The following NEGR1 variants were observed in gnomAD, a reference collection of about 807,000 sequenced individuals.
The protein encoded by NEGR1 is neuronal growth regulator 1, also known as IgLON family member 4.
A neutral mutation model predicts 40.9 loss-of-function variants in NEGR1; 10 were observed. That is an observed-to-expected ratio of 0.24 (90% CI 0.15 to 0.42). The LOEUF (loss-of-function observed/expected upper bound fraction) is 0.42, where lower values mean the gene tolerates loss of function less well. Ranked by LOEUF, NEGR1 falls within the 10% of genes least tolerant of loss-of-function variation. The probability of loss-of-function intolerance (pLI) is 1.00; values close to 1 mark genes in which losing one functional copy is unlikely to be tolerated. For synonymous variants in NEGR1, 185 were observed against 166.8 expected (o/e 1.11, Z -0.84); for missense variants, 352 against 438.9 (o/e 0.80, Z 1.77).
chr1:72,148,909 G>C (rs896554317), intron 1 of NEGR1, among the ~76,000 whole-genome samples: 5 of 152,038 alleles, frequency 3.3e-5, no homozygotes, highest in African/African-American at 1.2e-4. Flanking sequence ...AAATTTTCCT[G>C]TCTTCTTCTG....
intron 2 of NEGR1, among the ~76,000 whole-genome samples, chr1:71,895,076 A>T (rs2101855423): frequency 6.6e-6 from 1 of 152,324 alleles, no homozygotes; most frequent in Middle Eastern, 3.4e-3. Context: ...CCTCAATAGG[A>T]CATTTTGGAA....
chr1:72,087,186 G>A (rs1166238881), intron 1 of NEGR1, among the ~76,000 whole-genome samples: 2 of 152,266 alleles, frequency 1.3e-5, no homozygotes, highest in East Asian at 3.9e-4. Flanking sequence ...TTGGGAGGCT[G>A]AGGTGGGGAA....
intron 1 of NEGR1, among the ~76,000 whole-genome samples, chr1:72,204,169 T>G (rs954318171): frequency 3.3e-5 from 5 of 152,066 alleles, no homozygotes; most frequent in Admixed American, 1.3e-4. Flanking sequence ...AGTTACACCG[T>G]GACAACTTTG....
intron 1 of NEGR1, among the ~76,000 whole-genome samples, chr1:72,277,327 T>G (rs1656089326): frequency 6.6e-6 from 1 of 152,152 alleles, no homozygotes; most frequent in Non-Finnish European, 1.5e-5. Context: ...TGAACATTTC[T>G]GTAAATTCTT....
intron 6 of NEGR1, among the ~76,000 whole-genome samples, chr1:71,507,941 G>A (rs1647046308): frequency 6.6e-6 from 1 of 152,062 alleles, no homozygotes; most frequent in Admixed American, 6.6e-5. Context: ...CTTAGGATTA[G>A]GACAGCCACC....
chr1:71,861,306 G>A (rs1452033614), intron 2 of NEGR1, among the ~76,000 whole-genome samples: 1 of 151,962 alleles, frequency 6.6e-6, no homozygotes, highest in African/African-American at 2.4e-5. Context: ...CTGGCATACA[G>A]GAAACACCAT....
chr1:71,647,792 A>G (rs1651582325), intron 4 of NEGR1, among the ~76,000 whole-genome samples: 1 of 152,002 alleles, frequency 6.6e-6, no homozygotes, highest in African/African-American at 2.4e-5. Context: ...TATTAGCACT[A>G]TATACTGAAC....
intron 4 of NEGR1, among the ~76,000 whole-genome samples, chr1:71,671,821 C>A (rs1026277962): frequency 2.6e-5 from 4 of 151,926 alleles, no homozygotes; most frequent in Admixed American, 6.6e-5. Flanking sequence ...TCTTATTTAA[C>A]TACTCTCACT....
At chr1:72,201,382 GTATTT>G (rs1653199665) in intron 1 of NEGR1, among the ~76,000 whole-genome samples, 2 of 150,740 alleles carry the variant, frequency 1.3e-5, no homozygotes, top group African/African-American at 4.9e-5. Flanking sequence ...CAAAATATCA[GTATTT>G]TATTTGTCTC....
At chr1:72,124,976 A>T (rs1649954212) in intron 1 of NEGR1, among the ~76,000 whole-genome samples, 1 of 152,124 alleles carries the variant, frequency 6.6e-6, no homozygotes, top group African/African-American at 2.4e-5. Context: ...GATGATAAAA[A>T]TTTTATGGCG....
chr1:71,591,281 C>T (rs1557578867), intron 6 of NEGR1, among the ~76,000 whole-genome samples: 1 of 152,112 alleles, frequency 6.6e-6, no homozygotes, highest in Non-Finnish European at 1.5e-5. Flanking sequence ...GAAGCCTTTT[C>T]AGCACTATAT....
At chr1:72,275,611 C>G (rs1656020772) in intron 1 of NEGR1, among the ~76,000 whole-genome samples, 1 of 152,038 alleles carries the variant, frequency 6.6e-6, no homozygotes, top group Non-Finnish European at 1.5e-5. Flanking sequence ...ATTCAGAAAT[C>G]CTCTCTAGAG....
intron 6 of NEGR1, among the ~76,000 whole-genome samples, chr1:71,513,748 G>A (rs115567665): frequency 1.5e-4 from 23 of 152,196 alleles, no homozygotes; most frequent in Admixed American, 7.2e-4. Flanking sequence ...GAACAGCTCC[G>A]GTCTACAGCT....
At chr1:71,950,868 C>T (rs538426121) in intron 1 of NEGR1, among the ~76,000 whole-genome samples, 2 of 152,010 alleles carry the variant, frequency 1.3e-5, no homozygotes, top group East Asian at 1.9e-4. Context: ...GGATACCATA[C>T]GATATATACA....
chr1:71,852,889 G>C (rs998776078), intron 2 of NEGR1, among the ~76,000 whole-genome samples: 3 of 151,454 alleles, frequency 2.0e-5, no homozygotes, highest in African/African-American at 7.3e-5. Flanking sequence ...AAAAAAAAGA[G>C]AAAGAATGGT....
At chr1:71,522,710 C>T (rs545621972) in intron 6 of NEGR1, among the ~76,000 whole-genome samples, 84 of 141,924 alleles carry the variant, frequency 5.9e-4, no homozygotes, top group Non-Finnish European at 1.0e-3. Context: ...CTGCTATTTT[C>T]CTCCCCTCTA....
intron 1 of NEGR1, among the ~76,000 whole-genome samples, chr1:71,944,543 A>G (rs1269943000): frequency 6.6e-6 from 1 of 152,054 alleles, no homozygotes; most frequent in Non-Finnish European, 1.5e-5. Context: ...ATTTGCATAT[A>G]TTAATAAATA....
intron 6 of NEGR1, among the ~76,000 whole-genome samples, chr1:71,426,217 T>C (rs1047515031): frequency 1.3e-4 from 20 of 152,198 alleles, no homozygotes; most frequent in Admixed American, 7.2e-4. Flanking sequence ...GTATTTCTTT[T>C]ACTTGTGCCA....
At chr1:71,485,448 CAG>C (rs1646881847) in intron 6 of NEGR1, among the ~76,000 whole-genome samples, 1 of 151,492 alleles carries the variant, frequency 6.6e-6, no homozygotes. Flanking sequence ...TATTATCTCC[CAG>C]AGTCTCCAGT....
Sources: gnomAD v4.1 joint callset for allele counts (sites outside exome capture counted in the v4.1 genomes callset) on GRCh38, gnomAD v4.1.1 for gene constraint, MANE v1.5 for transcripts, NCBI Gene and HGNC (gene_info 2026-07-23, HGNC 2026-07-21) for gene names.